Variants in ACYP2 observed in about 807,000 individuals in gnomAD.
ACYP2 encodes acylphosphatase 2, also known as acylphosphatase-2.
In ACYP2, 12 loss-of-function variants were observed where a neutral mutation model predicts 11.2. The ratio of observed to expected loss-of-function variants is 1.08; its 90% CI spans 0.69 to 1.74. The LOEUF (loss-of-function observed/expected upper bound fraction) is 1.74. ACYP2 is among the 40% of genes most tolerant of loss of function. ACYP2 has a pLI of 0.00. For missense variants in ACYP2, 134 were observed against 101.9 expected, an observed-to-expected ratio of 1.31 and a Z score of -1.35; for synonymous variants, 43 against 32.2, an observed-to-expected ratio of 1.33 and a Z score of -1.13.
At chr2:54,161,835 T>C (rs1008325783) in intron 6 of ACYP2, among the ~76,000 whole-genome samples, 4 of 152,204 alleles carry the variant, frequency 2.6e-5, no homozygotes, top group African/African-American at 9.6e-5. Flanking sequence ...TTGTTATTTG[T>C]GTGTATAAGT....
At chr2:54,138,604 C>A (rs1368173820) in intron 5 of ACYP2, 35 bp from the exon 3 acceptor site, 5 of 1,530,526 alleles carry the variant, frequency 3.3e-6, no homozygotes, top group African/African-American at 1.4e-5. Flanking sequence ...ACTTTTGATG[C>A]TGCACTTTAT....
At chr2:54,265,530 G>A (rs13423617) in intron 6 of ACYP2, among the ~76,000 whole-genome samples, 1,747 of 152,266 alleles carry the variant, frequency 0.011, 41 homozygotes, top group African/African-American at 0.04. Flanking sequence ...AATGGATGAG[G>A]CAGCTGAAAG....
intron 2 of ACYP2, among the ~76,000 whole-genome samples, chr2:54,013,744 G>C (rs72800706): frequency 3.3e-5 from 3 of 91,562 alleles, no homozygotes; most frequent in African/African-American, 1.7e-4. Flanking sequence ...AAAAAAAAAA[G>C]AGAGAGAGAG....
chr2:54,256,284 C>CCCTCAGTCTCGCGACACTCACT (rs538178778), intron 6 of ACYP2: 12 of 966,098 alleles, frequency 1.2e-5, no homozygotes, highest in Middle Eastern at 3.4e-4. Flanking sequence ...CGACACCCAC[C>CCCTCAGTCTCGCGACACTCACT]CCTCAGTCTC....
At chr2:54,194,862 C>T (rs909354234) in intron 6 of ACYP2, among the ~76,000 whole-genome samples, 10 of 152,134 alleles carry the variant, frequency 6.6e-5, no homozygotes, top group Non-Finnish European at 1.3e-4. Context: ...TGTCACTTGA[C>T]TGTATATTAC....
intron 6 of ACYP2, among the ~76,000 whole-genome samples, chr2:54,290,718 G>A (rs1366145210): frequency 1.3e-5 from 2 of 152,086 alleles, no homozygotes; most frequent in Non-Finnish European, 2.9e-5. Context: ...CATTTTTGGT[G>A]GGAGATGGAG....
intron 6 of ACYP2, among the ~76,000 whole-genome samples, chr2:54,246,743 T>C (rs1404969063): frequency 6.6e-6 from 1 of 152,188 alleles, no homozygotes. Flanking sequence ...TGTTAAGTAA[T>C]GGTGGTGACA....
At chr2:54,117,197 A>C (rs1285085136) in intron 4 of ACYP2, among the ~76,000 whole-genome samples, 2 of 152,244 alleles carry the variant, frequency 1.3e-5, no homozygotes, top group African/African-American at 4.8e-5. Context: ...TGGAGTTATT[A>C]TTGAAATTAT....
intron 6 of ACYP2, among the ~76,000 whole-genome samples, chr2:54,208,450 G>A (rs1461545461): frequency 6.6e-6 from 1 of 152,084 alleles, no homozygotes; most frequent in African/African-American, 2.4e-5. Context: ...GGTGCAGGGG[G>A]TGGGATGTTT....
At chr2:54,255,959 C>A (rs200365615) in intron 6 of ACYP2, 1 of 1,614,070 alleles carries the variant, frequency 6.2e-7, no homozygotes, top group South Asian at 1.1e-5. Context: ...CCACCATCTG[C>A]GGGATCCTGG....
At chr2:54,154,848 A>C (rs1002857670) in intron 6 of ACYP2, among the ~76,000 whole-genome samples, 2 of 152,176 alleles carry the variant, frequency 1.3e-5, no homozygotes, top group Non-Finnish European at 2.9e-5. Context: ...AAAAGGATTG[A>C]TATTAGTTTA....
intron 2 of ACYP2, among the ~76,000 whole-genome samples, chr2:53,995,425 A>G (rs1672523207): frequency 6.6e-6 from 1 of 151,648 alleles, no homozygotes; most frequent in Admixed American, 6.6e-5. Flanking sequence ...TAAACTTAAA[A>G]TATCTTCTTT....
intron 6 of ACYP2, chr2:54,254,689 G>A (rs1028449923): frequency 1.9e-5 from 10 of 525,996 alleles, no homozygotes; most frequent in Non-Finnish European, 3.0e-5. Context: ...GTGACCCATC[G>A]GCTGGGAGCA....
chr2:54,134,293 AAAATAAATAAATAAGTAAGTAAAT>A (rs1336655156), intron 4 of ACYP2, among the ~76,000 whole-genome samples: 1 of 152,134 alleles, frequency 6.6e-6, no homozygotes, highest in Non-Finnish European at 1.5e-5. Flanking sequence ...CCCTGTCTCT[AAAATAAATAAATAAGTAAGTAAAT>A]AAATAAATAA....
intron 6 of ACYP2, among the ~76,000 whole-genome samples, chr2:54,216,185 A>G (rs1685552210): frequency 6.6e-6 from 1 of 152,210 alleles, no homozygotes; most frequent in Admixed American, 6.5e-5. Flanking sequence ...ATCCATATAA[A>G]TAATTAGGTC....
At chr2:54,019,801 G>C (rs997976266) in intron 2 of ACYP2, among the ~76,000 whole-genome samples, 12 of 151,532 alleles carry the variant, frequency 7.9e-5, no homozygotes, top group African/African-American at 2.9e-4. Context: ...TGTATTTATG[G>C]TAGAGATGGG....
At chr2:54,252,282 T>TA (rs1687261914) in intron 6 of ACYP2, among the ~76,000 whole-genome samples, 1 of 152,236 alleles carries the variant, frequency 6.6e-6, no homozygotes, top group Non-Finnish European at 1.5e-5. Flanking sequence ...GTGAACATTT[T>TA]AAAAAATTGG....
chr2:54,182,886 T>C (rs922151877), intron 6 of ACYP2, among the ~76,000 whole-genome samples: 4 of 151,972 alleles, frequency 2.6e-5, no homozygotes, highest in Non-Finnish European at 4.4e-5. Flanking sequence ...CCTGGCCCCA[T>C]AGCTCTGGAA....
chr2:54,012,572 A>G (rs1673432872), intron 2 of ACYP2, among the ~76,000 whole-genome samples: 1 of 152,142 alleles, frequency 6.6e-6, no homozygotes, highest in Non-Finnish European at 1.5e-5. Flanking sequence ...CCCTATGCTG[A>G]CTAGAAGCAT....
Sources: allele counts gnomAD v4.1 joint callset (sites outside exome capture counted in the v4.1 genomes callset), GRCh38; gene constraint gnomAD v4.1.1; transcripts MANE v1.5; gene names NCBI Gene and HGNC (gene_info 2026-07-23, HGNC 2026-07-21).